The following PDE4C variants were observed in gnomAD, a reference collection of about 807,000 sequenced individuals.
PDE4C encodes the protein 3',5'-cyclic-AMP phosphodiesterase 4C.
A neutral mutation model predicts 63.9 loss-of-function variants in PDE4C; 50 were observed. That is an observed-to-expected ratio of 0.78 (90% CI 0.62 to 0.99). The LOEUF is 0.99. Among genes scored for constraint, PDE4C ranks in the 50% least tolerant of loss-of-function variants. The pLI, the probability that PDE4C is intolerant of heterozygous loss-of-function variation, is 0.00. For synonymous variants in PDE4C, 377 were observed against 385.1 expected (o/e 0.98, Z 0.25); for missense variants, 777 against 899.1 (o/e 0.86, Z 1.74).
upstream of PDE4C, among the ~76,000 whole-genome samples, chr19:18,227,450 C>A (rs1042855793): frequency 6.6e-6 from 1 of 152,198 alleles, no homozygotes; most frequent in Non-Finnish European, 1.5e-5. Context: ...TCTGCCAAGT[C>A]TTCTGTCCTG....
chr19:18,227,461 C>A (rs906740758), upstream of PDE4C, among the ~76,000 whole-genome samples: 1 of 152,160 alleles, frequency 6.6e-6, no homozygotes, highest in Non-Finnish European at 1.5e-5. Flanking sequence ...TTCTGTCCTG[C>A]GAAACCTCAG....
intron 1 of PDE4C, among the ~76,000 whole-genome samples, chr19:18,245,151 TTTGTTTG>T (rs1969108916): frequency 3.7e-4 from 1 of 2,714 alleles, no homozygotes; most frequent in Admixed American, 4.5e-3. Flanking sequence ...TGGTTTTTTG[TTTGTTTG>T]TTTGTTTGTT....
upstream of PDE4C, among the ~76,000 whole-genome samples, chr19:18,234,446 G>C (rs1035116424): frequency 6.6e-6 from 1 of 152,120 alleles, no homozygotes; most frequent in African/African-American, 2.4e-5. Context: ...TAGTCTCAGG[G>C]GTAATTTCCT....
At chr19:18,246,299 T>C (rs564222791) in intron 1 of PDE4C, among the ~76,000 whole-genome samples, 11 of 151,254 alleles carry the variant, frequency 7.3e-5, no homozygotes, top group South Asian at 2.1e-4. Context: ...TCCTCCTACC[T>C]TAGCCTCCCA....
rs1421045271 is a variant in PDE4C, at chr19:18,218,514, C to T, written c.970-16G>A. ...GGTCCCGCTCCTGGTCCATCACAGA[C>T]CCTGGCTCAGGGCCTTGGCCTTGGG... On this transcript the variant is annotated splice_polypyrimidine_tract_variant and intron_variant, in intron 9 of 14. Transcript: ENST00000262805. 3 of 1,613,690 alleles carry T rather than the reference C, an allele frequency of 1.9e-6. No individual in the cohort carries two copies. The highest frequency in any genetic ancestry group is 2.5e-6 in the Non-Finnish European group (3 of 1,179,764).
At chr19:18,243,908 G>A (rs1225776462) in intron 1 of PDE4C, among the ~76,000 whole-genome samples, 1 of 152,106 alleles carries the variant, frequency 6.6e-6, no homozygotes, top group Non-Finnish European at 1.5e-5. Flanking sequence ...AGGCTGGAGT[G>A]CAGTGGTGCC....
upstream of PDE4C, among the ~76,000 whole-genome samples, chr19:18,227,608 T>C (rs1018084901): frequency 6.6e-6 from 1 of 152,126 alleles, no homozygotes; most frequent in African/African-American, 2.4e-5. Flanking sequence ...TGTTCCACTT[T>C]ACAGAAAAGG....
At chr19:18,235,250 G>A (rs924229257), upstream of PDE4C, among the ~76,000 whole-genome samples, 1 of 152,048 alleles carries the variant, frequency 6.6e-6, no homozygotes, top group Non-Finnish European at 1.5e-5. Context: ...GGCTCACTGC[G>A]ACCTCTGCCT....
At chr19:18,211,538 G>A (rs1412626256) in intron 14 of PDE4C, among the ~76,000 whole-genome samples, 4 of 152,052 alleles carry the variant, frequency 2.6e-5, no homozygotes, top group East Asian at 1.9e-4. Flanking sequence ...CCAGGGTCCC[G>A]CATGTCACCT....
chr19:18,232,938 C>T, intron 1 of PDE4C: 7 of 1,444,588 alleles, frequency 4.8e-6, no homozygotes, highest in East Asian at 5.2e-5. Flanking sequence ...GGCCCCTGCC[C>T]CGGCCACCTA....
chr19:18,246,098 C>T (rs1045270709), intron 1 of PDE4C, among the ~76,000 whole-genome samples: 2 of 151,458 alleles, frequency 1.3e-5, no homozygotes, highest in African/African-American at 4.9e-5. Context: ...TCACTGCAAC[C>T]CCTGCCTTCC....
At chr19:18,223,995 C>T (rs11666033) in intron 1 of PDE4C, among the ~76,000 whole-genome samples, 35,936 of 152,194 alleles carry the variant, frequency 0.24, 4,453 homozygotes, top group Middle Eastern at 0.34. Context: ...TAGCCGGGTC[C>T]TGCCCTAGGC....
upstream of PDE4C, chr19:18,226,595 C>A: frequency 5.3e-6 from 2 of 378,068 alleles, no homozygotes. Flanking sequence ...TCAGACGCAA[C>A]TCTCTGCTCC....
chr19:18,235,249 C>A (rs1600099064), upstream of PDE4C, among the ~76,000 whole-genome samples: 2 of 152,286 alleles, frequency 1.3e-5, no homozygotes. Context: ...TGGCTCACTG[C>A]GACCTCTGCC....
chr19:18,254,045 C>T, the PDE4C span, among the ~76,000 whole-genome samples: 2 of 152,196 alleles, frequency 1.3e-5, no homozygotes, highest in Non-Finnish European at 2.9e-5. Context: ...TGCCACCCTC[C>T]CCAGATCTCT....
At chr19:18,233,509 T>G in exon 1 of PDE4C, 1 of 609,702 alleles carries the variant, frequency 1.6e-6, no homozygotes, top group East Asian at 3.5e-5. Context: ...CCGTCCCCTA[T>G]AGCGCTGCAT....
exon 15 of PDE4C, chr19:18,211,264 C>A: frequency 6.3e-7 from 1 of 1,582,268 alleles, no homozygotes; most frequent in South Asian, 1.2e-5. Flanking sequence ...GCAATGTAGT[C>A]AATGAAACCC....
At chr19:18,238,743 A>C (rs1757816597) in intron 1 of PDE4C, among the ~76,000 whole-genome samples, 1 of 152,070 alleles carries the variant, frequency 6.6e-6, no homozygotes, top group Admixed American at 6.6e-5. Context: ...CTGTAATCCC[A>C]ATACTTTGGG....
upstream of PDE4C, among the ~76,000 whole-genome samples, chr19:18,237,670 A>G (rs1468860216): frequency 6.6e-6 from 1 of 152,050 alleles, no homozygotes; most frequent in Non-Finnish European, 1.5e-5. Flanking sequence ...CAGGAGATCA[A>G]TACCATCCTG....
Sources: allele counts gnomAD v4.1 joint callset (sites outside exome capture counted in the v4.1 genomes callset), GRCh38; gene constraint gnomAD v4.1.1; transcripts MANE v1.5; gene names NCBI Gene and HGNC (gene_info 2026-07-23, HGNC 2026-07-21).